The following LRRTM4 variants were observed in gnomAD, a reference collection of about 807,000 sequenced individuals.
LRRTM4 encodes the protein leucine rich repeat transmembrane neuronal 4.
LRRTM4 carries 25 observed loss-of-function variants against 47.6 expected under a neutral mutation model. That is an observed-to-expected ratio of 0.53 (90% confidence interval 0.38 to 0.73). The LOEUF is 0.73. Among genes scored for constraint, LRRTM4 ranks in the 30% least tolerant of loss-of-function variants. The probability of loss-of-function intolerance (pLI) is 0.00; values close to 1 mark genes in which losing one functional copy is unlikely to be tolerated. For missense variants in LRRTM4, 638 were observed against 713.4 expected, an observed-to-expected ratio of 0.89 and a Z score of 1.20; for synonymous variants, 311 against 269.5, an observed-to-expected ratio of 1.15 and a Z score of -1.51.
At chr2:76,799,922 A>G (rs1034508464) in intron 3 of LRRTM4, among the ~76,000 whole-genome samples, 4 of 150,952 alleles carry the variant, frequency 2.6e-5, no homozygotes, top group African/African-American at 9.8e-5. Flanking sequence ...TTCAAGGAGA[A>G]CTACAAACCA....
At chr2:77,222,975 T>C (rs1379436501) in intron 3 of LRRTM4, among the ~76,000 whole-genome samples, 1 of 151,954 alleles carries the variant, frequency 6.6e-6, no homozygotes, top group African/African-American at 2.4e-5. Flanking sequence ...ACTGGCAAAC[T>C]GAATCCAGCA....
intron 3 of LRRTM4, among the ~76,000 whole-genome samples, chr2:77,274,732 C>T (rs542183349): frequency 9.2e-5 from 14 of 152,176 alleles, no homozygotes; most frequent in South Asian, 4.2e-4. Context: ...ATTCCAACAT[C>T]GACTAAAACC....
chr2:77,152,341 T>C (rs570618474), intron 3 of LRRTM4, among the ~76,000 whole-genome samples: 10 of 152,264 alleles, frequency 6.6e-5, no homozygotes, highest in African/African-American at 2.4e-4. Context: ...TTGTATCTTT[T>C]TTTTTCAGAT....
At chr2:76,813,536 A>T (rs1372371602) in intron 3 of LRRTM4, among the ~76,000 whole-genome samples, 1 of 152,130 alleles carries the variant, frequency 6.6e-6, no homozygotes. Context: ...TTCATTTTTT[A>T]AAAATATATA....
chr2:76,859,161 A>G (rs898683091), intron 3 of LRRTM4, among the ~76,000 whole-genome samples: 7 of 152,228 alleles, frequency 4.6e-5, no homozygotes, highest in Non-Finnish European at 8.8e-5. Context: ...ACTGAAAAGT[A>G]TCATATTTAA....
intron 3 of LRRTM4, among the ~76,000 whole-genome samples, chr2:77,413,312 T>C (rs1269022498): frequency 6.6e-6 from 1 of 152,192 alleles, no homozygotes; most frequent in African/African-American, 2.4e-5. Flanking sequence ...GTCACTGAGA[T>C]CCATGTCTCA....
chr2:77,023,957 G>GAA (rs201569863), intron 3 of LRRTM4, among the ~76,000 whole-genome samples: 3 of 150,800 alleles, frequency 2.0e-5, no homozygotes, highest in African/African-American at 7.3e-5. Context: ...GACTGGGAAG[G>GAA]AAAAAAAAAG....
intron 3 of LRRTM4, among the ~76,000 whole-genome samples, chr2:76,919,319 C>G (rs934675623): frequency 6.6e-6 from 1 of 152,118 alleles, no homozygotes; most frequent in Non-Finnish European, 1.5e-5. Context: ...ACTAAGTGAT[C>G]AAACTGGTAC....
chr2:77,201,265 T>C (rs183289288), intron 3 of LRRTM4, among the ~76,000 whole-genome samples: 1 of 152,304 alleles, frequency 6.6e-6, no homozygotes, highest in Non-Finnish European at 1.5e-5. Context: ...CTGCAAAGTA[T>C]ATTTTATAAT....
chr2:76,902,591 C>T (rs557192479), intron 3 of LRRTM4, among the ~76,000 whole-genome samples: 2 of 152,164 alleles, frequency 1.3e-5, no homozygotes, highest in African/African-American at 2.4e-5. Context: ...AAATGGGAGC[C>T]TTATAAGACC....
intron 3 of LRRTM4, among the ~76,000 whole-genome samples, chr2:77,190,198 ATCTT>A (rs1203091792): frequency 3.3e-5 from 5 of 151,684 alleles, no homozygotes; most frequent in African/African-American, 7.3e-5. Flanking sequence ...ATCATTATTA[ATCTT>A]TCTATCAATT....
intron 3 of LRRTM4, among the ~76,000 whole-genome samples, chr2:77,387,830 G>A (rs1673344233): frequency 6.6e-6 from 1 of 151,782 alleles, no homozygotes; most frequent in Non-Finnish European, 1.5e-5. Flanking sequence ...AGTTAATGAG[G>A]TTACTTCACC....
intron 3 of LRRTM4, among the ~76,000 whole-genome samples, chr2:77,003,088 G>A (rs1273034669): frequency 6.6e-6 from 1 of 151,796 alleles, no homozygotes; most frequent in African/African-American, 2.4e-5. Flanking sequence ...ATTTTTTTAT[G>A]TGTAGTTTTT....
chr2:77,131,403 A>C (rs952618501), intron 3 of LRRTM4, among the ~76,000 whole-genome samples: 2 of 152,154 alleles, frequency 1.3e-5, no homozygotes, highest in African/African-American at 4.8e-5. Flanking sequence ...ATCACTGACT[A>C]ATTGGCTCTG....
At chr2:77,076,595 T>G (rs1680345032) in intron 3 of LRRTM4, among the ~76,000 whole-genome samples, 1 of 152,090 alleles carries the variant, frequency 6.6e-6, no homozygotes, top group South Asian at 2.1e-4. Context: ...GGAATAGTAT[T>G]AATTCTTTCT....
intron 3 of LRRTM4, among the ~76,000 whole-genome samples, chr2:77,498,212 TTCA>T (rs1678435886): frequency 6.6e-6 from 1 of 151,864 alleles, no homozygotes; most frequent in Non-Finnish European, 1.5e-5. Context: ...GAAGAAATCT[TTCA>T]TCAAGAGTTT....
In LRRTM4 at chr2:77,195,133, A is replaced by G. The variant is rs146358595; in HGVS notation, c.1551+323185T>C. Among the ~76,000 whole-genome samples the G allele has an allele frequency of 2.2e-3, 341 of 152,052 alleles. 2 individuals carry two copies. Among genetic ancestry groups the G allele is most frequent in the African/African-American group, 7.7e-3 (320 of 41,520 alleles). The stretch of plus-strand genomic sequence containing the variant: ...CCCTTTGGTTTCATGTATTTACTAT[A>G]TAAGAATCCATTTTTTTGAATTATT... On this transcript the variant is annotated intron_variant, in intron 3 of 3. Coordinates refer to ENST00000409884, the MANE Select transcript of LRRTM4 (RefSeq NM_001134745.3).
At chr2:77,366,255 C>T (rs953204485) in intron 3 of LRRTM4, among the ~76,000 whole-genome samples, 10 of 151,848 alleles carry the variant, frequency 6.6e-5, no homozygotes, top group African/African-American at 2.4e-4. Context: ...TGACAATACT[C>T]CACTTAATTT....
intron 3 of LRRTM4, among the ~76,000 whole-genome samples, chr2:77,226,109 T>A (rs1674797970): frequency 6.6e-6 from 1 of 151,810 alleles, no homozygotes; most frequent in Non-Finnish European, 1.5e-5. Context: ...ATGGATAATA[T>A]GTTTATGTGT....
Sources: allele counts gnomAD v4.1 joint callset (sites outside exome capture counted in the v4.1 genomes callset), GRCh38; gene constraint gnomAD v4.1.1; transcripts MANE v1.5; gene names NCBI Gene and HGNC (gene_info 2026-07-23, HGNC 2026-07-21).